Variants in NCKIPSD observed in about 807,000 individuals in gnomAD.
The protein encoded by NCKIPSD is NCK-interacting protein with SH3 domain.
NCKIPSD carries 48 observed loss-of-function variants against 73.4 expected under a neutral mutation model. The ratio of observed to expected loss-of-function variants is 0.65; its 90% CI spans 0.52 to 0.83. The LOEUF (loss-of-function observed/expected upper bound fraction) is 0.83, where lower values mean the gene tolerates loss of function less well. NCKIPSD is among the 40% of genes least tolerant of loss of function. The probability of loss-of-function intolerance (pLI) is 0.00; values close to 1 mark genes in which losing one functional copy is unlikely to be tolerated. For synonymous variants in NCKIPSD, 422 were observed against 403.6 expected, an observed-to-expected ratio of 1.05 and a Z score of -0.54; for missense variants, 884 against 970.2, an observed-to-expected ratio of 0.91 and a Z score of 1.18.
chr3:48,676,124 G>A (rs2077252982), intron 12 of NCKIPSD, among the ~76,000 whole-genome samples: 2 of 152,130 alleles, frequency 1.3e-5, no homozygotes, highest in South Asian at 4.1e-4. Flanking sequence ...ACACAGCACT[G>A]CCTGAGCCTC....
At chr3:48,681,136 T>G (rs567064594) in intron 5 of NCKIPSD, 151 bp downstream of exon 5, 2 of 1,224,406 alleles carry the variant, frequency 1.6e-6, no homozygotes, top group Non-Finnish European at 2.2e-6. Context: ...CCTTTCTGCT[T>G]CAGAAATCAG....
At chr3:48,679,966 T>C in intron 6 of NCKIPSD, 79 bp from the exon 7 acceptor site, 1 of 1,610,864 alleles carries the variant, frequency 6.2e-7, no homozygotes, top group Non-Finnish European at 8.5e-7. Flanking sequence ...TGAGCACATA[T>C]GTGTAGGGGA....
chr3:48,682,647 C>A, intron 2 of NCKIPSD, 95 bp from the exon 3 acceptor site: 1 of 1,396,684 alleles, frequency 7.2e-7, no homozygotes, highest in Non-Finnish European at 9.9e-7. Flanking sequence ...ATAGCCCAGG[C>A]CCCTCAGACA....
chr3:48,679,493 A>T, intron 8 of NCKIPSD, 36 bp from the exon 9 acceptor site: 1 of 1,606,726 alleles, frequency 6.2e-7, no homozygotes, highest in Admixed American at 1.7e-5. Flanking sequence ...GAGTCCCCAA[A>T]GATGGCAGGA....
In NCKIPSD at chr3:48,681,776, G is replaced by A. The variant is rs1219570010; in HGVS notation, c.603C>T (p.Gly201=). The A allele has an allele frequency of 2.0e-6, 3 of 1,496,254 alleles. No individual in the cohort carries two copies. Among genetic ancestry groups the A allele is most frequent in the East Asian group, 2.4e-5 (1 of 42,384 alleles). The allele number at this position is 1,496,254 out of a possible 1,614,324, so 92.7% of individuals were successfully genotyped here. The change falls in exon 5 of 13, where the codon GGC becomes GGT. Residue 201 remains glycine (G), a synonymous_variant. Coordinates refer to ENST00000294129, the MANE Select transcript of NCKIPSD (RefSeq NM_016453.4). Reference sequence around the variant, plus strand: ...TACCCCCGGAGGGCATGGTGTTGTGGCCACCTGCGAGCAGTGAGTAGAAGC... The same window carrying A: ...TACCCCCGGAGGGCATGGTGTTGTGACCACCTGCGAGCAGTGAGTAGAAGC... The part of the protein sequence containing the change: ...REALMASGSG[G]HNTMPSGGNS...
rs536627074 is a variant in NCKIPSD at position 48,676,497 on chromosome 3, A to T, written c.1966-1750T>A. Among the ~76,000 whole-genome samples the T allele has an allele frequency of 9.0e-4, 137 of 152,226 alleles. 1 individual carries two copies. Among genetic ancestry groups the T allele is most frequent in the Non-Finnish European group, 1.8e-3 (125 of 68,018 alleles). ...GTACCATTTTTGTTTTTGTTTTTTA[A>T]AGAGACAAGGTCTGGCTTTGTTGCC... On this transcript the variant is annotated intron_variant, in intron 12 of 12. Transcript: ENST00000294129.
At chr3:48,685,552 G>A (rs1228987275) in intron 1 of NCKIPSD, 85 bp downstream of exon 1, 6 of 1,423,320 alleles carry the variant, frequency 4.2e-6, no homozygotes, top group Non-Finnish European at 5.5e-6. Context: ...CCCGGAGAGG[G>A]TGGGGTCCCT....
intron 5 of NCKIPSD, 76 bp from the exon 6 acceptor site, chr3:48,680,305 G>T (rs1233614152): frequency 1.4e-6 from 2 of 1,451,280 alleles, no homozygotes; most frequent in African/African-American, 1.4e-5. Context: ...AAGGCCTGGA[G>T]AGTCCATCTG....
intron 1 of NCKIPSD, 140 bp from the exon 2 acceptor site, chr3:48,683,152 C>T: frequency 6.9e-7 from 1 of 1,453,760 alleles, no homozygotes. Flanking sequence ...AAAAGTTGAA[C>T]CAGAATATGG....
At chr3:48,684,019 C>CAGAG (rs1553631921) in intron 1 of NCKIPSD, among the ~76,000 whole-genome samples, 70 of 141,336 alleles carry the variant, frequency 5.0e-4, no homozygotes, top group African/African-American at 1.5e-3. Context: ...CACACACACA[C>CAGAG]AGAGAGAGAG....
intron 12 of NCKIPSD, 29 bp downstream of exon 12, chr3:48,678,535 C>G (rs1418430669): frequency 6.3e-7 from 1 of 1,589,272 alleles, no homozygotes; most frequent in Admixed American, 1.7e-5. Context: ...CACACAGTGA[C>G]CCCCGCTGCT....
At chr3:48,681,253 A>G (rs1311174988) in intron 5 of NCKIPSD, 34 bp downstream of exon 5, 17 of 1,540,190 alleles carry the variant, frequency 1.1e-5, no homozygotes, top group Non-Finnish European at 1.5e-5. Flanking sequence ...CAGGGTGGGT[A>G]GCAGGGTGGC....
At chr3:48,680,444 G>A (rs1334256940) in intron 5 of NCKIPSD, among the ~76,000 whole-genome samples, 2 of 152,064 alleles carry the variant, frequency 1.3e-5, no homozygotes, top group Admixed American at 6.5e-5. Context: ...TCAACAGCTC[G>A]CCTCTCATCC....
At position 48,681,475 on chromosome 3, in the gene NCKIPSD, C is replaced by T. The variant is rs2077351958; in HGVS notation, c.904G>A (p.Ala302Thr). 6.2e-7 allele frequency: 1 copy of T among 1,614,056 alleles called. No individual in the cohort carries two copies. The highest frequency in any genetic ancestry group is 8.5e-7 in the Non-Finnish European group (1 of 1,180,052). The change falls in exon 5 of 13, where the codon GCA (alanine) becomes ACA (threonine). Residue 302 changes from alanine to threonine, a missense_variant. Transcript: ENST00000294129. Reference sequence around the variant, plus strand: ...CTGGGCACAGCCGCCTCAGCTGCTGCCTTCTCCTCTGTGGTCCCCAGGCTC... The same window carrying T: ...CTGGGCACAGCCGCCTCAGCTGCTGTCTTCTCCTCTGTGGTCCCCAGGCTC... ...TLSLGTTEEK[A>T]AAEAAVPRTI...
Position 48,679,366 on chromosome 3 carries a change from T to C in NCKIPSD, c.1570+11A>G, listed in dbSNP as rs1184948164. 2.5e-6 allele frequency: 4 copies of C among 1,614,022 alleles called. No homozygotes were observed. Among genetic ancestry groups the C allele is most frequent in the Non-Finnish European group, 3.4e-6 (4 of 1,180,012 alleles). On this transcript the variant is annotated intron_variant, in intron 9 of 12. Coordinates refer to ENST00000294129, the MANE Select transcript of NCKIPSD (RefSeq NM_016453.4). ...GACCTGTGATCAGCTGGTCGGTTAC[T>C]GCATTCTTACCATAGTGTGCATAGG...
chr3:48,680,051 A>G lies in NCKIPSD; in HGVS notation c.1263+8T>C, dbSNP rs774741095. Reference sequence around the variant, plus strand: ...ATGTGGGGTATGTGTGTGGGACCCCACCCTTACCAGAATATGCAGCAGCTC... The same window carrying G: ...ATGTGGGGTATGTGTGTGGGACCCCGCCCTTACCAGAATATGCAGCAGCTC... On this transcript the variant is annotated splice_region_variant and intron_variant, in intron 6 of 12. Transcript: ENST00000294129. The G allele has an allele frequency of 6.2e-7, 1 of 1,608,422 alleles. No homozygotes were observed. Among genetic ancestry groups the G allele is most frequent in the Admixed American group, 1.7e-5 (1 of 59,772 alleles).
intron 1 of NCKIPSD, among the ~76,000 whole-genome samples, chr3:48,685,187 A>AAGGAAGGG (rs1271698183): frequency 2.3e-5 from 1 of 44,336 alleles, no homozygotes; most frequent in African/African-American, 1.1e-4. Flanking sequence ...TTGGGGGAAG[A>AAGGAAGGG]AGGAAGGGAG....
chr3:48,674,634 C>T lies in NCKIPSD; in HGVS notation c.2079G>A (p.Glu693=), dbSNP rs1008450807. ...TCTGGCACTGGGGTGAGGTCTCCTC[C>T]TCATTCAGGATGCGTCGCAGTATGG... ...LQAILRRILN[E]EETSPQCQMD... Residue 693 remains glutamate, a synonymous_variant, in exon 13 of 13, where the codon GAG becomes GAA. Transcript: ENST00000294129. 1 of 1,613,450 alleles carries T rather than the reference C, an allele frequency of 6.2e-7. No individual in the cohort carries two copies. Among genetic ancestry groups the T allele is most frequent in the Admixed American group, 1.7e-5 (1 of 59,896 alleles).
intron 11 of NCKIPSD, 55 bp downstream of exon 11, chr3:48,678,822 G>A: frequency 6.2e-7 from 1 of 1,613,482 alleles, no homozygotes. Context: ...CATTGCAGGG[G>A]TCATGGAGTC....
Sources: gnomAD v4.1 joint callset for allele counts (sites outside exome capture counted in the v4.1 genomes callset) on GRCh38, gnomAD v4.1.1 for gene constraint, MANE v1.5 for transcripts, NCBI Gene and HGNC (gene_info 2026-07-23, HGNC 2026-07-21) for gene names.